ALK: variants seen among roughly 807,000 people sequenced by gnomAD.
ALK encodes the protein ALK tyrosine kinase receptor.
In ALK, 74 loss-of-function variants were observed where a neutral mutation model predicts 163.1. That is an observed-to-expected ratio of 0.45 (90% confidence interval 0.38 to 0.55). The LOEUF (loss-of-function observed/expected upper bound fraction) is 0.55, where lower values mean the gene tolerates loss of function less well. ALK is among the 20% of genes least tolerant of loss of function. The pLI, the probability that ALK is intolerant of heterozygous loss-of-function variation, is 0.00. For missense variants in ALK, 2,063 were observed against 2,105.3 expected, an observed-to-expected ratio of 0.98 and a Z score of 0.39; for synonymous variants, 960 against 843.2, an observed-to-expected ratio of 1.14 and a Z score of -2.40.
At chr2:29,579,731 C>T (rs1207243742) in intron 3 of ALK, among the ~76,000 whole-genome samples, 2 of 151,958 alleles carry the variant, frequency 1.3e-5, no homozygotes, top group East Asian at 3.9e-4. Context: ...CTTCAGATGC[C>T]GGATATGTAG....
chr2:29,394,502 G>A lies in ALK; in HGVS notation c.1155-10643C>T, dbSNP rs545683309. Among the ~76,000 whole-genome samples the A allele has an allele frequency of 2.6e-5, 4 of 152,310 alleles. No individual in the cohort carries two copies. The South Asian group carries it at 8.3e-4, about 32-fold the overall frequency. ...TCCCTCACCAGGGAGCTGTGGGGAG[G>A]GACCCAGCTGAATTCTGGGCAGGGG... On this transcript the variant is annotated intron_variant, in intron 4 of 28. Transcript: ENST00000389048.
At chr2:29,729,646 C>T (rs2148316365) in intron 1 of ALK, among the ~76,000 whole-genome samples, 1 of 152,274 alleles carries the variant, frequency 6.6e-6, no homozygotes, top group South Asian at 2.1e-4. Flanking sequence ...CTCCCCAGTC[C>T]CTCCCAGCTC....
intron 3 of ALK, among the ~76,000 whole-genome samples, chr2:29,534,238 A>G (rs1197840583): frequency 6.6e-6 from 1 of 152,192 alleles, no homozygotes; most frequent in Non-Finnish European, 1.5e-5. Context: ...GCAAGAGGGA[A>G]TTAATATTGA....
intron 26 of ALK, among the ~76,000 whole-genome samples, chr2:29,200,727 A>ATG (rs1669137787): frequency 6.8e-6 from 1 of 146,190 alleles, no homozygotes; most frequent in Admixed American, 6.9e-5. Context: ...ATACGTATAT[A>ATG]TGTATATATA....
intron 8 of ALK, among the ~76,000 whole-genome samples, chr2:29,299,007 A>T (rs1666286115): frequency 1.3e-5 from 2 of 152,172 alleles, no homozygotes; most frequent in Admixed American, 6.5e-5. Flanking sequence ...TCTGGCTTGT[A>T]ACCATTTCTT....
chr2:29,410,342 T>C (rs1669697939), intron 4 of ALK, among the ~76,000 whole-genome samples: 1 of 152,242 alleles, frequency 6.6e-6, no homozygotes, highest in Non-Finnish European at 1.5e-5. Flanking sequence ...TATCACCTAA[T>C]TGTGACCTGG....
intron 4 of ALK, among the ~76,000 whole-genome samples, chr2:29,455,434 G>A (rs946234947): frequency 2.6e-5 from 4 of 152,124 alleles, no homozygotes; most frequent in African/African-American, 9.7e-5. Flanking sequence ...CTGTGTGCGG[G>A]GGACAGAAAT....
intron 9 of ALK, among the ~76,000 whole-genome samples, chr2:29,278,071 C>T (rs1287330534): frequency 6.6e-6 from 1 of 152,150 alleles, no homozygotes; most frequent in African/African-American, 2.4e-5. Context: ...GGGGGAATTA[C>T]ACCAGGGTGG....
At chr2:29,821,249 C>T (rs1025411690) in intron 1 of ALK, among the ~76,000 whole-genome samples, 4 of 152,030 alleles carry the variant, frequency 2.6e-5, no homozygotes, top group Non-Finnish European at 4.4e-5. Flanking sequence ...CTCCTACCCT[C>T]GGTGTTATAG....
At chr2:29,677,133 C>A (rs932644064) in intron 3 of ALK, among the ~76,000 whole-genome samples, 1 of 148,776 alleles carries the variant, frequency 6.7e-6, no homozygotes, top group African/African-American at 2.5e-5. Context: ...TTTTTAGTTC[C>A]CTCCCTCCCT....
intron 1 of ALK, among the ~76,000 whole-genome samples, chr2:29,897,664 G>A (rs866230957): frequency 6.6e-6 from 1 of 152,150 alleles, no homozygotes; most frequent in Non-Finnish European, 1.5e-5. Flanking sequence ...CTGGGATTTG[G>A]TGATTAAATC....
intron 1 of ALK, among the ~76,000 whole-genome samples, chr2:29,723,324 A>T (rs751679063): frequency 6.9e-4 from 105 of 152,320 alleles, no homozygotes; most frequent in Non-Finnish European, 1.1e-3. Flanking sequence ...TCAGAGGTAC[A>T]TGGCCACTCC....
chr2:29,765,141 T>C (rs1314014161), intron 1 of ALK, among the ~76,000 whole-genome samples: 3 of 152,180 alleles, frequency 2.0e-5, no homozygotes. Flanking sequence ...CCTGTAGAAC[T>C]ATGAGCCAAT....
chr2:29,384,234 A>C (rs7425996), intron 4 of ALK, among the ~76,000 whole-genome samples: 1 of 152,094 alleles, frequency 6.6e-6, no homozygotes, highest in Non-Finnish European at 1.5e-5. Flanking sequence ...TCTTCAAAAC[A>C]TGTATCACTC....
intron 3 of ALK, among the ~76,000 whole-genome samples, chr2:29,537,040 CTT>C (rs925622533): frequency 6.6e-6 from 1 of 152,150 alleles, no homozygotes; most frequent in Admixed American, 6.5e-5. Context: ...AAACTTGAAA[CTT>C]ATATTTAAAA....
rs561689755 is a variant in ALK, at chr2:29,662,607, G to A, written c.952+32243C>T. Among the ~76,000 whole-genome samples, 53 of 152,252 alleles carry A rather than the reference G, an allele frequency of 3.5e-4. No individual in the cohort carries two copies. The South Asian group carries it at 0.011, about 32-fold the overall frequency. On this transcript the variant is annotated intron_variant, in intron 3 of 28. Transcript: ENST00000389048. ...CCTCAAGGTGATCATTAGGGGTGCTGGCTCCTTATGGTTATGCCAGCTCCT... is the reference window on the plus strand; with the variant it reads ...CCTCAAGGTGATCATTAGGGGTGCTAGCTCCTTATGGTTATGCCAGCTCCT...
At chr2:29,635,412 T>C (rs1284266267) in intron 3 of ALK, among the ~76,000 whole-genome samples, 2 of 152,054 alleles carry the variant, frequency 1.3e-5, no homozygotes, top group Non-Finnish European at 2.9e-5. Flanking sequence ...CAGTTGACAA[T>C]TGTACAGATA....
intron 11 of ALK, among the ~76,000 whole-genome samples, chr2:29,255,514 T>C (rs904923187): frequency 6.6e-6 from 1 of 152,238 alleles, no homozygotes; most frequent in African/African-American, 2.4e-5. Context: ...ATTAGTCTTC[T>C]GCACCTCATT....
chr2:29,593,652 A>C (rs1010262753), intron 3 of ALK, among the ~76,000 whole-genome samples: 2 of 152,238 alleles, frequency 1.3e-5, no homozygotes, highest in African/African-American at 2.4e-5. Context: ...GAAAACCAAA[A>C]CACAGTGAAA....
Sources: allele counts gnomAD v4.1 joint callset (sites outside exome capture counted in the v4.1 genomes callset), GRCh38; gene constraint gnomAD v4.1.1; transcripts MANE v1.5; gene names NCBI Gene and HGNC (gene_info 2026-07-23, HGNC 2026-07-21).